Variants in IRAG1 observed in about 807,000 individuals in gnomAD.
The protein encoded by IRAG1 is IP3R-associated cGMP kinase substrate.
IRAG1 carries 62 observed loss-of-function variants against 106.2 expected under a neutral mutation model. That is an observed-to-expected ratio of 0.58 (90% CI 0.48 to 0.72). The LOEUF (loss-of-function observed/expected upper bound fraction) is 0.72. Ranked by LOEUF, IRAG1 falls within the 30% of genes least tolerant of loss-of-function variation. The pLI is 0.00. For missense variants in IRAG1, 1,064 were observed against 1,140.7 expected (o/e 0.93, Z 0.97); for synonymous variants, 462 against 443.9 (o/e 1.04, Z -0.51).
At chr11:10,635,969 C>T (rs1026677626) in intron 2 of IRAG1, among the ~76,000 whole-genome samples, 11 of 152,150 alleles carry the variant, frequency 7.2e-5, no homozygotes, top group African/African-American at 2.4e-4. Flanking sequence ...TCTCCCGGGA[C>T]ATGGAAGGGA....
Position 10,601,070 on chromosome 11 carries a change from G to T in IRAG1, c.1876-11C>A, listed in dbSNP as rs1564901023. The T allele has an allele frequency of 6.2e-7, 1 of 1,613,516 alleles. No homozygotes were observed. Among genetic ancestry groups the T allele is most frequent in the South Asian group, 1.1e-5 (1 of 91,086 alleles). ...CGACATGCGCTTTTCCTGCGGGGAAGGAGCGCATGAGTGCATGAGGCCATT... is the reference window on the plus strand; with the variant it reads ...CGACATGCGCTTTTCCTGCGGGGAATGAGCGCATGAGTGCATGAGGCCATT... On this transcript the variant is annotated splice_polypyrimidine_tract_variant and intron_variant, in intron 14 of 20. Coordinates refer to ENST00000423302, the MANE Select transcript of IRAG1 (RefSeq NM_130385.4).
chr11:10,633,364 T>C (rs11042901), intron 3 of IRAG1, among the ~76,000 whole-genome samples: 38,970 of 152,128 alleles, frequency 0.26, 6,148 homozygotes, highest in Middle Eastern at 0.41. Context: ...CATGAGCCAC[T>C]GCGCCCGGCC....
intron 2 of IRAG1, among the ~76,000 whole-genome samples, chr11:10,648,225 G>A (rs1030560346): frequency 1.3e-5 from 2 of 152,176 alleles, no homozygotes; most frequent in Non-Finnish European, 1.5e-5. Context: ...TTAGCCAGGC[G>A]TGGTGGTGCA....
At chr11:10,682,404 G>C (rs1229738960) in intron 1 of IRAG1, among the ~76,000 whole-genome samples, 1 of 152,166 alleles carries the variant, frequency 6.6e-6, no homozygotes, top group East Asian at 1.9e-4. Context: ...GGGACAACTT[G>C]CCAAATGTTT....
intron 1 of IRAG1, among the ~76,000 whole-genome samples, chr11:10,661,939 T>C (rs1212572416): frequency 6.6e-6 from 1 of 152,184 alleles, no homozygotes; most frequent in Non-Finnish European, 1.5e-5. Flanking sequence ...CAACTAGAAT[T>C]TGAACATCTC....
At position 10,653,768 on chromosome 11, in the gene IRAG1, G is replaced by A. The variant is rs575225366; in HGVS notation, c.68-1586C>T. 3.3e-5 allele frequency among the ~76,000 whole-genome samples: 5 copies of A among 152,302 alleles called. No homozygotes were observed. The East Asian group carries it at 9.7e-4, about 29-fold the overall frequency. ...ACAGAGGCCACCTGCACGGGGGTCT[G>A]CAGCCCAGGAAGCTTGGCCGAAGCT... is the stretch of plus-strand genomic sequence containing the variant. On this transcript the variant is annotated intron_variant, in intron 1 of 20. Transcript: ENST00000423302.
In IRAG1 at chr11:10,580,857, C is replaced by G. The variant is rs958468645; in HGVS notation, c.2361-268G>C. 6.6e-5 allele frequency among the ~76,000 whole-genome samples: 10 copies of G among 152,224 alleles called. No homozygotes were observed. In the East Asian group the frequency reaches 1.9e-3, roughly 29 times the overall value. On this transcript the variant is annotated intron_variant, in intron 19 of 20. Coordinates refer to ENST00000423302, the MANE Select transcript of IRAG1 (RefSeq NM_130385.4). ...AAAAATGTGGTGCAGGGTCTCCTGA[C>G]TGGGTTCTTAACCCACAAAACATTC...
intron 13 of IRAG1, among the ~76,000 whole-genome samples, chr11:10,604,164 C>G (rs749672922): frequency 6.6e-6 from 1 of 152,158 alleles, no homozygotes; most frequent in Non-Finnish European, 1.5e-5. Context: ...CCCAGGCCAC[C>G]CTGCCCCCTT....
intron 14 of IRAG1, among the ~76,000 whole-genome samples, chr11:10,602,292 A>G (rs1295503533): frequency 1.3e-5 from 2 of 152,252 alleles, no homozygotes; most frequent in African/African-American, 2.4e-5. Flanking sequence ...GCAGCAGGAC[A>G]TAGATTCATG....
intron 19 of IRAG1, 138 bp from the exon 20 acceptor site, chr11:10,580,727 T>A: frequency 9.5e-7 from 1 of 1,053,556 alleles, no homozygotes; most frequent in Non-Finnish European, 1.3e-6. Context: ...AGGAAAAAGC[T>A]GGGAAGCTCC....
intron 1 of IRAG1, among the ~76,000 whole-genome samples, chr11:10,690,793 C>A (rs758801086): frequency 6.6e-6 from 1 of 152,186 alleles, no homozygotes; most frequent in Non-Finnish European, 1.5e-5. Context: ...AATTAAATAA[C>A]AGATCTAGCA....
In IRAG1 at chr11:10,628,308, G is replaced by A. The variant is rs1218649140; in HGVS notation, c.653-283C>T. Among the ~76,000 whole-genome samples the A allele has an allele frequency of 3.9e-5, 6 of 152,210 alleles. No individual in the cohort carries two copies. Among genetic ancestry groups the A allele is most frequent in the Admixed American group, 2.0e-4 (3 of 15,286 alleles). ...CCTGGCCCCGACCTGAGCGTGCCCTGCCGCACTGATGAGGGCCGGTTGCCC... is the reference window on the plus strand; with the variant it reads ...CCTGGCCCCGACCTGAGCGTGCCCTACCGCACTGATGAGGGCCGGTTGCCC... On this transcript the variant is annotated intron_variant, in intron 6 of 20. Coordinates refer to ENST00000423302, the MANE Select transcript of IRAG1 (RefSeq NM_130385.4). This position sits in a 1 kb window ranked among gnomAD's most constrained non-coding sequence, Gnocchi z 4.1.
At chr11:10,603,780 T>C (rs1376260348) in intron 13 of IRAG1, among the ~76,000 whole-genome samples, 1 of 151,986 alleles carries the variant, frequency 6.6e-6, no homozygotes, top group East Asian at 1.9e-4. Flanking sequence ...AGTGCTCTTA[T>C]AAAAGGGACC....
chr11:10,682,386 G>A (rs921602533), intron 1 of IRAG1, among the ~76,000 whole-genome samples: 3 of 152,172 alleles, frequency 2.0e-5, no homozygotes, highest in Non-Finnish European at 2.9e-5. Context: ...TATAGGAATC[G>A]TGATATAGGG....
At chr11:10,578,808 C>T (rs1851092832) in intron 20 of IRAG1, among the ~76,000 whole-genome samples, 2 of 152,108 alleles carry the variant, frequency 1.3e-5, no homozygotes, top group African/African-American at 4.8e-5. Flanking sequence ...CATTGAGCCC[C>T]TTGCTTTGCA....
chr11:10,607,180 TAAG>T (rs1395977954), intron 11 of IRAG1, among the ~76,000 whole-genome samples: 1 of 152,118 alleles, frequency 6.6e-6, no homozygotes, highest in African/African-American at 2.4e-5. Flanking sequence ...CTGTGAGAAA[TAAG>T]AAAATGCATG....
At chr11:10,585,366 A>G (rs1851845582) in intron 18 of IRAG1, among the ~76,000 whole-genome samples, 1 of 152,064 alleles carries the variant, frequency 6.6e-6, no homozygotes, top group Non-Finnish European at 1.5e-5. Flanking sequence ...ACATTAACTT[A>G]TATGTATCAG....
At chr11:10,582,990 G>A (rs911025015) in intron 18 of IRAG1, among the ~76,000 whole-genome samples, 1 of 152,138 alleles carries the variant, frequency 6.6e-6, no homozygotes, top group Non-Finnish European at 1.5e-5. Context: ...AAGAGAATGC[G>A]GGTTATGTAA....
chr11:10,639,374 C>T (rs1450185650), intron 2 of IRAG1, among the ~76,000 whole-genome samples: 1 of 152,166 alleles, frequency 6.6e-6, no homozygotes, highest in East Asian at 1.9e-4. Flanking sequence ...ACAAGGAGAA[C>T]CTCATGCTCC....
Sources: allele counts gnomAD v4.1 joint callset (sites outside exome capture counted in the v4.1 genomes callset), GRCh38; gene constraint gnomAD v4.1.1; non-coding constraint Gnocchi (gnomAD v3.1); transcripts MANE v1.5; gene names NCBI Gene and HGNC (gene_info 2026-07-23, HGNC 2026-07-21).